The following PDZD2 variants were observed in gnomAD, a reference collection of about 807,000 sequenced individuals.
PDZD2 encodes the protein PDZ domain containing 2.
A neutral mutation model predicts 220.7 loss-of-function variants in PDZD2; 90 were observed. That is an observed-to-expected ratio of 0.41 (90% CI 0.34 to 0.49). PDZD2 has a LOEUF of 0.49. PDZD2 is among the 20% of genes least tolerant of loss of function. The probability of loss-of-function intolerance (pLI) is 0.28; values close to 1 mark genes in which losing one functional copy is unlikely to be tolerated. For missense variants in PDZD2, 3,174 were observed against 3,608.5 expected, an observed-to-expected ratio of 0.88 and a Z score of 3.08; for synonymous variants, 1,375 against 1,450.5, an observed-to-expected ratio of 0.95 and a Z score of 1.18.
In PDZD2 at chr5:32,010,436, C is replaced by T. The variant is rs781436002; in HGVS notation, c.1361C>T (p.Ala454Val). The change falls in exon 6 of 25, where the codon GCA becomes GTA. Residue 454 changes from alanine to valine, a missense_variant. Around this residue, in one of 4 missense-constraint regions of PDZD2, gnomAD observed 632 missense variants for 708.1 expected, o/e 0.89. Transcript: ENST00000438447. ...SSWTDNEDQEADGEEDEGTSS... is the reference protein window; with the variant it reads ...SSWTDNEDQEVDGEEDEGTSS... ...TGGACTGATAACGAAGACCAGGAGG[C>T]AGACGGGGAAGAGGACGAAGGAACC... 8.7e-6 allele frequency: 14 copies of T among 1,612,144 alleles called. No homozygotes were observed. The highest frequency in any genetic ancestry group is 1.7e-6 in the Non-Finnish European group (2 of 1,178,314).
intron 2 of PDZD2, among the ~76,000 whole-genome samples, chr5:31,899,501 G>A (rs1208030584): frequency 1.3e-5 from 2 of 152,188 alleles, no homozygotes; most frequent in Non-Finnish European, 1.5e-5. Flanking sequence ...GCTTCCTGCT[G>A]ACAGCACAGT....
intron 2 of PDZD2, among the ~76,000 whole-genome samples, chr5:31,964,299 T>C (rs1195594658): frequency 2.0e-5 from 3 of 151,966 alleles, no homozygotes; most frequent in Non-Finnish European, 2.9e-5. Context: ...CATTATCCCA[T>C]TGAAGCCTCC....
chr5:31,857,444 A>C (rs2150307680), intron 2 of PDZD2, among the ~76,000 whole-genome samples: 1 of 152,272 alleles, frequency 6.6e-6, no homozygotes, highest in South Asian at 2.1e-4. Context: ...AGTTCCTGAG[A>C]AAGAGGACAT....
At chr5:31,920,672 C>T (rs766913524) in intron 2 of PDZD2, among the ~76,000 whole-genome samples, 13 of 151,886 alleles carry the variant, frequency 8.6e-5, no homozygotes, top group Non-Finnish European at 1.8e-4. Flanking sequence ...ACGAACCAGG[C>T]GTGGTGGTGT....
In PDZD2 at chr5:32,041,814, C is replaced by T. The variant is rs531132389; in HGVS notation, c.1519+4472C>T. On this transcript the variant is annotated intron_variant, in intron 7 of 24. Coordinates refer to ENST00000438447, the MANE Select transcript of PDZD2 (RefSeq NM_178140.4). Reference sequence around the variant, plus strand: ...TGTGACCCTGCCACATCCCCCTCTCCGAGAAACACCCAAGAATAATCAATA... The same window carrying T: ...TGTGACCCTGCCACATCCCCCTCTCTGAGAAACACCCAAGAATAATCAATA... 3.1e-3 allele frequency among the ~76,000 whole-genome samples: 471 copies of T among 150,582 alleles called. 2 individuals are homozygous for T. The highest frequency in any genetic ancestry group is 0.011 in the African/African-American group (440 of 40,678).
intron 1 of PDZD2, among the ~76,000 whole-genome samples, chr5:31,735,866 AC>A (rs1737417049): frequency 6.6e-6 from 1 of 152,046 alleles, no homozygotes; most frequent in African/African-American, 2.4e-5. Context: ...AATTGCTTGA[AC>A]CCGGAAGGCA....
At chr5:31,877,334 G>T (rs545729886) in intron 2 of PDZD2, among the ~76,000 whole-genome samples, 1 of 151,952 alleles carries the variant, frequency 6.6e-6, no homozygotes, top group Non-Finnish European at 1.5e-5. Flanking sequence ...TCCCACTTCA[G>T]CCTCCCAAGT....
At chr5:32,022,458 C>T (rs1484975836) in intron 6 of PDZD2, among the ~76,000 whole-genome samples, 1 of 151,588 alleles carries the variant, frequency 6.6e-6, no homozygotes, top group Non-Finnish European at 1.5e-5. Context: ...CTGCCTGCCT[C>T]GGCCTCCCAA....
intron 2 of PDZD2, among the ~76,000 whole-genome samples, chr5:31,854,306 G>C (rs895564830): frequency 2.0e-5 from 3 of 152,216 alleles, no homozygotes; most frequent in Non-Finnish European, 2.9e-5. Context: ...CAGGCCTCCT[G>C]GGGGAGGGCT....
chr5:31,755,616 C>CT lies in PDZD2; in HGVS notation c.-360-43258dup, dbSNP rs34226643. Among the ~76,000 whole-genome samples the CT allele has an allele frequency of 3.3e-3, 460 of 137,724 alleles. 5 individuals are homozygous for CT. Among genetic ancestry groups the CT allele is most frequent in the South Asian group, 0.02 (85 of 4,236 alleles). 90.4% of individuals were successfully genotyped at this position (137,724 alleles called of 152,430 possible). ...TTTTTTTAATCTTTAGGTGGTGTGT[C>CT]TTTTTTTTTTTTTTTGCAGCTTTTG... On this transcript the variant is annotated intron_variant, in intron 1 of 24. Coordinates refer to ENST00000438447, the MANE Select transcript of PDZD2 (RefSeq NM_178140.4).
chr5:31,799,603 A>G lies in PDZD2; in HGVS notation c.355A>G (p.Ile119Val). 1 of 1,614,176 alleles carries G rather than the reference A, an allele frequency of 6.2e-7. No homozygotes were observed. The highest frequency in any genetic ancestry group is 8.5e-7 in the Non-Finnish European group (1 of 1,180,018). Reference protein sequence around the residue: ...HQGPVLDVGCIWVTELRKNSP... With the variant: ...HQGPVLDVGCVWVTELRKNSP... ...GGGTCCTGTGCTGGATGTGGGCTGC[A>G]TCTGGGTGACAGAGCTGAGGAAGAA... Residue 119 changes from isoleucine to valine, a missense_variant, in exon 2 of 25, where the codon ATC (isoleucine) becomes GTC (valine). Ile to Val is a conservative substitution (Grantham distance 29, BLOSUM62 3). Transcript: ENST00000438447.
chr5:31,721,037 G>A (rs926454469), intron 1 of PDZD2, among the ~76,000 whole-genome samples: 3 of 152,108 alleles, frequency 2.0e-5, no homozygotes, highest in South Asian at 2.1e-4. Flanking sequence ...GTTGGAGTGC[G>A]CTGCTTCCTA....
At chr5:31,811,243 C>G (rs968504251) in intron 2 of PDZD2, among the ~76,000 whole-genome samples, 1 of 152,194 alleles carries the variant, frequency 6.6e-6, no homozygotes, top group Non-Finnish European at 1.5e-5. Context: ...ACCTCGGCCT[C>G]CCAAAGTGCT....
chr5:31,765,108 A>G (rs1751920283), intron 1 of PDZD2, among the ~76,000 whole-genome samples: 1 of 152,038 alleles, frequency 6.6e-6, no homozygotes, highest in African/African-American at 2.4e-5. Flanking sequence ...ACCCAAAGGA[A>G]GAGGACAGAG....
At chr5:31,728,250 A>G (rs1019883912) in intron 1 of PDZD2, among the ~76,000 whole-genome samples, 1 of 152,092 alleles carries the variant, frequency 6.6e-6, no homozygotes, top group Non-Finnish European at 1.5e-5. Context: ...ACAGACACAC[A>G]TGACCACTGA....
intron 6 of PDZD2, among the ~76,000 whole-genome samples, chr5:32,027,738 C>T (rs549250983): frequency 1.3e-5 from 2 of 152,312 alleles, no homozygotes; most frequent in South Asian, 4.1e-4. Flanking sequence ...CTACACGTAA[C>T]TTGCAGGCTT....
In PDZD2 at chr5:31,639,138, G is replaced by T. The variant is rs1047343710; in HGVS notation, c.-660G>T. ...GAATCCCCGCCCATCCTGGAGGCTCGGCGGATCCCCTGCGCAGCGAGGCGA... is the reference window on the plus strand; with the variant it reads ...GAATCCCCGCCCATCCTGGAGGCTCTGCGGATCCCCTGCGCAGCGAGGCGA... On this transcript the variant is annotated 5_prime_UTR_variant, in exon 1 of 25. Coordinates refer to ENST00000438447, the MANE Select transcript of PDZD2 (RefSeq NM_178140.4). The surrounding 1 kb of genome is among the most constrained non-coding windows in gnomAD (Gnocchi z 4.1). Among the ~76,000 whole-genome samples the T allele has an allele frequency of 1.3e-5, 2 of 152,096 alleles. No homozygotes were observed. The highest frequency in any genetic ancestry group is 4.8e-5 in the African/African-American group (2 of 41,444).
intron 5 of PDZD2, among the ~76,000 whole-genome samples, chr5:32,002,105 G>C (rs957080360): frequency 2.6e-5 from 4 of 152,154 alleles, no homozygotes; most frequent in Admixed American, 6.5e-5. Flanking sequence ...TCGGAGTATT[G>C]AACAAATAGA....
chr5:32,047,040 AAAAAAT>A (rs1303909927), intron 7 of PDZD2, among the ~76,000 whole-genome samples: 1 of 152,170 alleles, frequency 6.6e-6, no homozygotes, highest in Non-Finnish European at 1.5e-5. Context: ...CTCCATCTCA[AAAAAAT>A]AAAAAGAAAA....
Sources: allele counts gnomAD v4.1 joint callset (sites outside exome capture counted in the v4.1 genomes callset), GRCh38; gene constraint gnomAD v4.1.1; regional missense constraint gnomAD v4.1.1; non-coding constraint Gnocchi (gnomAD v3.1); transcripts MANE v1.5; gene names NCBI Gene and HGNC (gene_info 2026-07-23, HGNC 2026-07-21).